The following NSFL1C variants were observed in gnomAD, a reference collection of about 807,000 sequenced individuals.
NSFL1C encodes NSFL1 cofactor.
A neutral mutation model predicts 43.1 loss-of-function variants in NSFL1C; 14 were observed. The ratio of observed to expected loss-of-function variants is 0.32; its 90% CI spans 0.21 to 0.51. The LOEUF is 0.51. Among genes scored for constraint, NSFL1C ranks in the 20% least tolerant of loss-of-function variants. NSFL1C has a pLI of 0.98. For missense variants in NSFL1C, 406 were observed against 472.5 expected (o/e 0.86, Z 1.30); for synonymous variants, 171 against 183.5 (o/e 0.93, Z 0.55).
At position 1,465,232 on chromosome 20, in the gene NSFL1C, T is replaced by G. The variant is rs115952546; in HGVS notation, c.106-806A>C. 8.7e-3 allele frequency among the ~76,000 whole-genome samples: 1,318 copies of G among 152,306 alleles called. 14 individuals carry two copies. Among genetic ancestry groups the G allele is most frequent in the African/African-American group, 0.03 (1,242 of 41,562 alleles). On this transcript the variant is annotated intron_variant, in intron 1 of 8. Coordinates refer to ENST00000216879, the MANE Select transcript of NSFL1C (RefSeq NM_016143.5). Reference sequence around the variant, plus strand: ...AAGCATTGAGGTCACAGAGATGAAATAGACATGGCCTCTGTCCTCAGGGTC... The same window carrying G: ...AAGCATTGAGGTCACAGAGATGAAAGAGACATGGCCTCTGTCCTCAGGGTC...
Position 1,445,834 on chromosome 20 carries a change from AG to A in NSFL1C, c.786-5del. The A allele has an allele frequency of 6.2e-7, 1 of 1,613,796 alleles. No homozygotes were observed. Among genetic ancestry groups the A allele is most frequent in the Non-Finnish European group, 8.5e-7 (1 of 1,179,906 alleles). On this transcript the variant is annotated splice_region_variant and splice_polypyrimidine_tract_variant and intron_variant, in intron 7 of 8. Coordinates refer to ENST00000216879, the MANE Select transcript of NSFL1C (RefSeq NM_016143.5). ...ACTCAACACCTGGGGGGCAGTGCTG[AG>A]GAGAGAGGATGGCATCAGAACACAA... is the stretch of plus-strand genomic sequence containing the variant.
At chr20:1,462,464 G>A (rs1011589284) in intron 2 of NSFL1C, among the ~76,000 whole-genome samples, 1 of 151,766 alleles carries the variant, frequency 6.6e-6, no homozygotes, top group African/African-American at 2.4e-5. Context: ...TGTGCGTCCA[G>A]TCTTTTTACT....
intron 8 of NSFL1C, among the ~76,000 whole-genome samples, chr20:1,444,769 A>C (rs1317403904): frequency 6.6e-6 from 1 of 152,198 alleles, no homozygotes; most frequent in Non-Finnish European, 1.5e-5. Flanking sequence ...GAGCTTAATG[A>C]GTGAAATGAA....
At chr20:1,464,468 T>C in intron 1 of NSFL1C, 42 bp from the exon 2 acceptor site, 1 of 1,500,398 alleles carries the variant, frequency 6.7e-7, no homozygotes, top group Non-Finnish European at 9.3e-7. Flanking sequence ...TAAACAGGCC[T>C]TCACCTAACG....
At chr20:1,462,331 G>C (rs757209838) in intron 2 of NSFL1C, among the ~76,000 whole-genome samples, 13 of 152,050 alleles carry the variant, frequency 8.5e-5, no homozygotes, top group Admixed American at 2.6e-4. Context: ...TCCTCAACAA[G>C]GACAAACCAT....
At chr20:1,447,131 G>T (rs918532777) in intron 7 of NSFL1C, among the ~76,000 whole-genome samples, 1 of 152,208 alleles carries the variant, frequency 6.6e-6, no homozygotes, top group Non-Finnish European at 1.5e-5. Flanking sequence ...ACAAAGTAGA[G>T]CTCAGAGGAG....
Position 1,466,789 on chromosome 20 carries a change from G to T in NSFL1C, c.36C>A (p.Phe12Leu), listed in dbSNP as rs1233338392. The change falls in exon 1 of 9, where the codon TTC (phenylalanine) becomes TTA (leucine). Residue 12 changes from phenylalanine to leucine, a missense_variant. Physicochemically the swap from Phe to Leu is conservative, Grantham distance 22. Around this residue, in one of 3 missense-constraint regions of NSFL1C, gnomAD observed 203 missense variants for 216.3 expected, o/e 0.94. Transcript: ENST00000216879. ...AAERQEALRE[F>L]VAVTGAEEDR... ...CCTCCTCGGCGCCCGTCACCGCCAC[G>T]AACTCCCTCAGCGCCTCCTGTCGCT... The T allele has an allele frequency of 5.1e-6, 8 of 1,562,126 alleles. No individual in the cohort carries two copies. Among genetic ancestry groups the T allele is most frequent in the Non-Finnish European group, 6.9e-6 (8 of 1,156,916 alleles).
Position 1,442,686 on chromosome 20 carries a change from A to ACACACAC in NSFL1C, c.*1062_*1063insGTGTGTG, listed in dbSNP as rs1184685999. The ACACACAC allele has an allele frequency of 6.6e-6, 1 of 152,236 alleles. No homozygotes were observed. The highest frequency in any genetic ancestry group is 1.5e-5 in the Non-Finnish European group (1 of 68,054). The allele number at this position is 152,236 out of a possible 1,614,324, so 9.4% of individuals were successfully genotyped here. A position where few individuals can be genotyped will look rare whatever the true frequency, so the allele number is the denominator to read the frequency against. On this transcript the variant is annotated 3_prime_UTR_variant, in exon 9 of 9. Transcript: ENST00000216879. ...TCTGCAAGTCACAAGTCAGCAGGTC[A>ACACACAC]AAGAACAAGTGTGAAGCAGAACCTG...
intron 3 of NSFL1C, 100 bp downstream of exon 3, chr20:1,458,090 TAATGGCTAAC>T: frequency 1.1e-6 from 1 of 882,948 alleles, no homozygotes; most frequent in East Asian, 2.4e-5. Flanking sequence ...CCCACAGTAG[TAATGGCTAAC>T]AATAACCAAA....
At chr20:1,465,562 C>T (rs1465284346) in intron 1 of NSFL1C, among the ~76,000 whole-genome samples, 1 of 152,142 alleles carries the variant, frequency 6.6e-6, no homozygotes, top group Admixed American at 6.6e-5. Flanking sequence ...GATGCTTTAC[C>T]GAATTCTTAT....
intron 2 of NSFL1C, among the ~76,000 whole-genome samples, chr20:1,462,144 G>A (rs1482676404): frequency 6.6e-6 from 1 of 152,190 alleles, no homozygotes; most frequent in Non-Finnish European, 1.5e-5. Flanking sequence ...TGAGGCAGCA[G>A]TGACAACATA....
In NSFL1C at chr20:1,463,640, TAG is replaced by T. The variant is rs374948463; in HGVS notation, c.203+687_203+688del. ...AAAATTTCCTGGCTAAAACATACAC[TAG>T]AGAGTAGAAGCAATAAGGCGAAAGC... On this transcript the variant is annotated intron_variant, in intron 2 of 8. Coordinates refer to ENST00000216879, the MANE Select transcript of NSFL1C (RefSeq NM_016143.5). Among the ~76,000 whole-genome samples, 288 of 152,250 alleles carry T rather than the reference TAG, an allele frequency of 1.9e-3. 1 individual carries two copies. The highest frequency in any genetic ancestry group is 6.6e-3 in the African/African-American group (274 of 41,530).
chr20:1,448,820 T>C (rs565480619), intron 7 of NSFL1C, among the ~76,000 whole-genome samples: 207 of 152,324 alleles, frequency 1.4e-3, no homozygotes, highest in East Asian at 1.4e-3. Context: ...GTAGAGGCAG[T>C]ATACAATCCG....
chr20:1,466,235 G>A (rs961310303), intron 1 of NSFL1C, among the ~76,000 whole-genome samples: 3 of 152,042 alleles, frequency 2.0e-5, no homozygotes, highest in Non-Finnish European at 4.4e-5. Flanking sequence ...AGGTGAAGAA[G>A]CTCCAACCTT....
intron 7 of NSFL1C, among the ~76,000 whole-genome samples, chr20:1,449,397 G>A (rs1053968532): frequency 2.6e-5 from 4 of 152,212 alleles, no homozygotes; most frequent in Non-Finnish European, 4.4e-5. Context: ...AGGATGGGGA[G>A]TGGAAGAGGA....
At chr20:1,455,434 C>T (rs1191141583) in intron 3 of NSFL1C, among the ~76,000 whole-genome samples, 1 of 152,178 alleles carries the variant, frequency 6.6e-6, no homozygotes, top group African/African-American at 2.4e-5. Context: ...GAAAGGCATT[C>T]CAAGCATGCA....
chr20:1,446,786 G>A (rs911621582), intron 7 of NSFL1C, among the ~76,000 whole-genome samples: 3 of 150,326 alleles, frequency 2.0e-5, no homozygotes, highest in African/African-American at 7.3e-5. Context: ...ACCTGACTTA[G>A]ACCTTTGCAA....
At chr20:1,461,423 A>C (rs2090409492) in intron 2 of NSFL1C, among the ~76,000 whole-genome samples, 1 of 152,218 alleles carries the variant, frequency 6.6e-6, no homozygotes, top group Admixed American at 6.5e-5. Flanking sequence ...GGATTTGTAT[A>C]GGCAGAAAGC....
chr20:1,452,657 T>TCC, intron 6 of NSFL1C, 27 bp from the exon 7 acceptor site: 1 of 1,612,450 alleles, frequency 6.2e-7, no homozygotes, highest in Non-Finnish European at 8.5e-7. Context: ...CATGCTGAGG[T>TCC]CCACAGAGAG....
Sources: allele counts gnomAD v4.1 joint callset (sites outside exome capture counted in the v4.1 genomes callset), GRCh38; gene constraint gnomAD v4.1.1; regional missense constraint gnomAD v4.1.1; transcripts MANE v1.5; gene names NCBI Gene and HGNC (gene_info 2026-07-23, HGNC 2026-07-21).